The following NBAS variants were observed in gnomAD, a reference collection of about 807,000 sequenced individuals.
NBAS encodes the protein NAG/BC035112 fusion.
A neutral mutation model predicts 302.5 loss-of-function variants in NBAS; 219 were observed. That is an observed-to-expected ratio of 0.72 (90% CI 0.65 to 0.81). NBAS has a LOEUF of 0.81. NBAS is among the 30% of genes least tolerant of loss of function. The probability of loss-of-function intolerance (pLI) is 0.00; values close to 1 mark genes in which losing one functional copy is unlikely to be tolerated. For missense variants in NBAS, 2,932 were observed against 2,841.6 expected (o/e 1.03, Z -0.72); for synonymous variants, 1,118 against 1,021.6 (o/e 1.09, Z -1.80).
the NBAS span, among the ~76,000 whole-genome samples, chr2:15,106,490 C>T: frequency 1.5e-5 from 2 of 135,574 alleles, no homozygotes; most frequent in Non-Finnish European, 3.1e-5. Context: ...ACTCTCCAGT[C>T]CCCTTTTTCT....
intron 48 of NBAS, among the ~76,000 whole-genome samples, chr2:15,199,120 C>G (rs1325527386): frequency 9.0e-6 from 1 of 110,922 alleles, no homozygotes; most frequent in Non-Finnish European, 1.7e-5. Context: ...GAGTAAGACT[C>G]CATCTCAAAA....
intron 32 of NBAS, 108 bp downstream of exon 32, chr2:15,366,472 A>G: frequency 9.2e-7 from 1 of 1,091,118 alleles, no homozygotes; most frequent in South Asian, 1.3e-5. Context: ...TGTCTAATAA[A>G]AAAGCTGTTC....
At chr2:15,480,486 A>T (rs1680383821) in intron 12 of NBAS, among the ~76,000 whole-genome samples, 2 of 152,072 alleles carry the variant, frequency 1.3e-5, no homozygotes, top group Non-Finnish European at 1.5e-5. Flanking sequence ...ACACAAAGAG[A>T]GGTATAGATA....
intron 26 of NBAS, chr2:15,397,794 G>A (rs577970288): frequency 1.4e-5 from 3 of 214,244 alleles, no homozygotes; most frequent in South Asian, 9.9e-5. Flanking sequence ...TTGGAGGCCC[G>A]CACCAGAGAA....
chr2:15,489,487 G>A (rs1237165193), intron 11 of NBAS, among the ~76,000 whole-genome samples: 1 of 152,042 alleles, frequency 6.6e-6, no homozygotes, highest in Non-Finnish European at 1.5e-5. Context: ...AAGGAAAGGA[G>A]TAGAAAAGAG....
At chr2:15,057,129 C>T in the NBAS span, among the ~76,000 whole-genome samples, 1 of 152,008 alleles carries the variant, frequency 6.6e-6, no homozygotes, top group South Asian at 2.1e-4. Flanking sequence ...CGCACCCTGC[C>T]CTAATTTCTA....
chr2:14,784,524 C>G, the NBAS span, among the ~76,000 whole-genome samples: 1 of 152,158 alleles, frequency 6.6e-6, no homozygotes, highest in Non-Finnish European at 1.5e-5. Flanking sequence ...TCAGTTTCAG[C>G]TTTCTACATA....
At chr2:15,007,798 G>A in the NBAS span, among the ~76,000 whole-genome samples, 1 of 152,184 alleles carries the variant, frequency 6.6e-6, no homozygotes, top group Non-Finnish European at 1.5e-5. Flanking sequence ...AATGAAAAGA[G>A]CTTGGATTTG....
chr2:15,529,285 A>G (rs527719157), intron 9 of NBAS, among the ~76,000 whole-genome samples: 1 of 152,210 alleles, frequency 6.6e-6, no homozygotes, highest in Non-Finnish European at 1.5e-5. Flanking sequence ...AGATTGCTTG[A>G]GCTCAGGAAT....
chr2:15,133,144 TC>T, the NBAS span, among the ~76,000 whole-genome samples: 1 of 152,336 alleles, frequency 6.6e-6, no homozygotes, highest in South Asian at 2.1e-4. Flanking sequence ...ATGCACCAGT[TC>T]TTGTGCTGGT....
intron 32 of NBAS, among the ~76,000 whole-genome samples, chr2:15,365,258 C>G (rs1674142747): frequency 6.6e-6 from 1 of 152,158 alleles, no homozygotes; most frequent in African/African-American, 2.4e-5. Flanking sequence ...GTTAACACAT[C>G]ACAAAGACAA....
At chr2:14,983,400 T>C in the NBAS span, among the ~76,000 whole-genome samples, 1 of 152,160 alleles carries the variant, frequency 6.6e-6, no homozygotes, top group Non-Finnish European at 1.5e-5. Context: ...CTCGACTGAG[T>C]GTATAGGTCC....
intron 44 of NBAS, among the ~76,000 whole-genome samples, chr2:15,262,040 G>T (rs1020246673): frequency 1.3e-5 from 2 of 152,172 alleles, no homozygotes; most frequent in African/African-American, 2.4e-5. Flanking sequence ...TCACCAGAGT[G>T]ACAGGTAATC....
At chr2:15,071,183 G>C in the NBAS span, among the ~76,000 whole-genome samples, 1 of 152,168 alleles carries the variant, frequency 6.6e-6, no homozygotes, top group African/African-American at 2.4e-5. Flanking sequence ...TAAGACTAAC[G>C]CTTGAAACCA....
chr2:15,360,330 T>TAAAAAAAAAAAAAAA (rs551926742), intron 32 of NBAS, among the ~76,000 whole-genome samples: 1 of 92,962 alleles, frequency 1.1e-5, no homozygotes, highest in African/African-American at 3.0e-5. Context: ...TACCATAACT[T>TAAAAAAAAAAAAAAA]AAAAAAAAAA....
At chr2:14,848,214 G>T in the NBAS span, among the ~76,000 whole-genome samples, 1 of 151,436 alleles carries the variant, frequency 6.6e-6, no homozygotes, top group Non-Finnish European at 1.5e-5. Flanking sequence ...CAGGACAGTG[G>T]GTGCGCGCAC....
the NBAS span, among the ~76,000 whole-genome samples, chr2:14,973,534 A>G: frequency 2.0e-5 from 3 of 152,222 alleles, no homozygotes; most frequent in Non-Finnish European, 4.4e-5. Flanking sequence ...AGAGAATTTT[A>G]AAGTATATCC....
intron 21 of NBAS, 70 bp downstream of exon 21, chr2:15,461,131 G>A: frequency 1.5e-6 from 2 of 1,338,436 alleles, no homozygotes; most frequent in East Asian, 2.3e-5. Flanking sequence ...TTAACTTTAA[G>A]GTGTTCAGCA....
At chr2:15,128,728 G>A in the NBAS span, among the ~76,000 whole-genome samples, 2 of 152,182 alleles carry the variant, frequency 1.3e-5, no homozygotes, top group Admixed American at 1.3e-4. Context: ...AGTTGGAAAA[G>A]TCACTGGGGA....
Sources: gnomAD v4.1 joint callset for allele counts (sites outside exome capture counted in the v4.1 genomes callset) on GRCh38, gnomAD v4.1.1 for gene constraint, MANE v1.5 for transcripts, NCBI Gene and HGNC (gene_info 2026-07-23, HGNC 2026-07-21) for gene names.